DMD: variants seen among roughly 807,000 people sequenced by gnomAD.
DMD encodes mutant dystrophin.
Under a neutral mutation model 330.1 loss-of-function variants are expected in DMD, and 63 were observed. That is an observed-to-expected ratio of 0.19 (90% CI 0.16 to 0.24). The LOEUF (loss-of-function observed/expected upper bound fraction) is 0.24. DMD is among the 10% of genes least tolerant of loss of function. The pLI is 1.00. For synonymous variants in DMD, 1,223 were observed against 959.8 expected, an observed-to-expected ratio of 1.27 and a Z score of -5.07; for missense variants, 3,344 against 2,684.1, an observed-to-expected ratio of 1.25 and a Z score of -5.43.
intron 1 of DMD, among the ~76,000 whole-genome samples, chrX:33,051,241 T>C (rs1458051797): frequency 2.0e-5 from 2 of 102,485 alleles, no homozygotes; most frequent in Non-Finnish European, 2.0e-5. Context: ...AGACTGAATC[T>C]CCCTCTATCG....
chrX:32,688,932 C>T lies in DMD; in HGVS notation c.960+8938G>A, dbSNP rs188402298. Among the ~76,000 whole-genome samples, 411 of 106,869 alleles carry T rather than the reference C, an allele frequency of 3.8e-3. 2 individuals are homozygous for T. The highest frequency in any genetic ancestry group is 0.015 in the African/African-American group (394 of 26,822). 92.8% of individuals were successfully genotyped at this position (106,869 alleles called of 115,157 possible). On this transcript the variant is annotated intron_variant, in intron 9 of 78. Transcript: ENST00000357033. ...ACTTATATGTCAAGAAGAAAAATAACATTCCCACACTATTCAAAGCTTTTT... is the reference window on the plus strand; with the variant it reads ...ACTTATATGTCAAGAAGAAAAATAATATTCCCACACTATTCAAAGCTTTTT...
At chrX:31,268,597 T>A in intron 62 of DMD, among the ~76,000 whole-genome samples, 1 of 111,805 alleles carries the variant, frequency 8.9e-6, no homozygotes, top group Non-Finnish European at 1.9e-5. Context: ...TAATAGTATA[T>A]TCTAGGTCTG....
intron 47 of DMD, among the ~76,000 whole-genome samples, chrX:31,885,207 C>G (rs6628655): frequency 9.0e-6 from 1 of 111,432 alleles, no homozygotes; most frequent in South Asian, 3.8e-4. Flanking sequence ...CATAAGGTTA[C>G]TAGTAAGTAA....
intron 2 of DMD, among the ~76,000 whole-genome samples, chrX:32,887,271 CG>C (rs990953077): frequency 5.5e-5 from 6 of 109,695 alleles, no homozygotes; most frequent in African/African-American, 2.0e-4. Context: ...GGTGTGAACC[CG>C]GGAGGCGGAG....
At position 32,732,223 on chromosome X, in the gene DMD, A is replaced by G. The variant is rs1462164378; in HGVS notation, c.650-32930T>C. 3.0e-4 allele frequency among the ~76,000 whole-genome samples: 33 copies of G among 111,195 alleles called. 1 individual carries two copies. The highest frequency in any genetic ancestry group is 7.5e-5 in the Non-Finnish European group (4 of 53,056). ...GGGAAGTTTAGAGGAAAAAGAATAA[A>G]AAGAAATGAGCAAAGCCTCCAAGAA... On this transcript the variant is annotated intron_variant, in intron 7 of 78. Coordinates refer to ENST00000357033, the MANE Select transcript of DMD (RefSeq NM_004006.3).
At chrX:32,325,798 T>C (rs1255993249) in intron 41 of DMD, among the ~76,000 whole-genome samples, 1 of 89,255 alleles carries the variant, frequency 1.1e-5, no homozygotes, top group Admixed American at 1.6e-4. Context: ...TCTTAAGTAC[T>C]CAATTTTTTT....
At chrX:31,721,732 A>C (rs865904993) in intron 52 of DMD, among the ~76,000 whole-genome samples, 13 of 78,430 alleles carry the variant, frequency 1.7e-4, no homozygotes, top group South Asian at 5.6e-4. Context: ...ATATATATAT[A>C]TATATATATA....
At chrX:31,158,812 A>G (rs2038471087) in intron 74 of DMD, among the ~76,000 whole-genome samples, 1 of 112,173 alleles carries the variant, frequency 8.9e-6, no homozygotes, top group South Asian at 3.7e-4. Flanking sequence ...TAAAAGAAAA[A>G]TGGTATGCAC....
At chrX:31,466,383 A>G (rs1246704440) in intron 59 of DMD, among the ~76,000 whole-genome samples, 1 of 111,951 alleles carries the variant, frequency 8.9e-6, no homozygotes, top group East Asian at 2.8e-4. Context: ...TTTTCTGTAG[A>G]TGGCTAGCCG....
At chrX:31,605,523 A>G (rs2077569921) in intron 55 of DMD, among the ~76,000 whole-genome samples, 2 of 111,978 alleles carry the variant, frequency 1.8e-5, no homozygotes, top group African/African-American at 3.2e-5. Flanking sequence ...AATAAATTCA[A>G]TTTTATTTTT....
intron 43 of DMD, 117 bp downstream of exon 43, chrX:32,287,410 TGA>T: frequency 1.5e-6 from 1 of 656,454 alleles, no homozygotes; most frequent in Non-Finnish European, 2.4e-6. Context: ...CATTTTTCAA[TGA>T]GAGTGATACT....
At chrX:32,775,151 G>A in intron 7 of DMD, among the ~76,000 whole-genome samples, 1 of 112,688 alleles carries the variant, frequency 8.9e-6, no homozygotes, top group Non-Finnish European at 1.9e-5. Context: ...TGATGCAAGG[G>A]GTGGGCTCCC....
intron 60 of DMD, among the ~76,000 whole-genome samples, chrX:31,406,660 T>C (rs1194355056): frequency 9.0e-6 from 1 of 111,421 alleles, no homozygotes; most frequent in African/African-American, 3.3e-5. Context: ...ACGAAGTTGG[T>C]TTTTAATTCC....
chrX:33,017,931 T>C (rs900233195), intron 2 of DMD, among the ~76,000 whole-genome samples: 3 of 112,338 alleles, frequency 2.7e-5, no homozygotes, highest in Non-Finnish European at 5.6e-5. Context: ...CCAAATGATA[T>C]ATATATCACA....
intron 17 of DMD, among the ~76,000 whole-genome samples, chrX:32,534,620 T>C (rs939370512): frequency 1.8e-5 from 2 of 111,418 alleles, no homozygotes; most frequent in Admixed American, 9.5e-5. Context: ...TATTTCTTTA[T>C]AACAGTGCAA....
At chrX:33,164,619 A>T (rs1378838448) in intron 1 of DMD, among the ~76,000 whole-genome samples, 1 of 112,246 alleles carries the variant, frequency 8.9e-6, no homozygotes, top group East Asian at 2.8e-4. Flanking sequence ...CTTTCACAGC[A>T]TACCTTTAAT....
intron 64 of DMD, among the ~76,000 whole-genome samples, chrX:31,215,513 T>C (rs891887341): frequency 3.6e-5 from 4 of 111,709 alleles, no homozygotes; most frequent in Admixed American, 9.5e-5. Flanking sequence ...TAGTATTCGT[T>C]AATGTCTTTT....
chrX:32,613,544 T>C, intron 12 of DMD, among the ~76,000 whole-genome samples: 1 of 110,622 alleles, frequency 9.0e-6, no homozygotes, highest in Non-Finnish European at 1.9e-5. Flanking sequence ...TCATATTCTA[T>C]AGAAAAGCAA....
intron 7 of DMD, among the ~76,000 whole-genome samples, chrX:32,717,656 T>G (rs1311996323): frequency 1.8e-5 from 2 of 111,029 alleles, no homozygotes; most frequent in African/African-American, 6.6e-5. Flanking sequence ...AGGGCCACTG[T>G]CCTCCAGAGC....
Sources: allele counts gnomAD v4.1 joint callset (sites outside exome capture counted in the v4.1 genomes callset), GRCh38; gene constraint gnomAD v4.1.1; transcripts MANE v1.5; gene names NCBI Gene and HGNC (gene_info 2026-07-23, HGNC 2026-07-21).